The following RPS6KC1 variants were observed in gnomAD, a reference collection of about 807,000 sequenced individuals.
RPS6KC1 encodes the protein ribosomal protein S6 kinase C1.
RPS6KC1 carries 54 observed loss-of-function variants against 103.8 expected under a neutral mutation model. That is an observed-to-expected ratio of 0.52 (90% CI 0.42 to 0.65). The LOEUF (loss-of-function observed/expected upper bound fraction) is 0.65. RPS6KC1 is among the 30% of genes least tolerant of loss of function. The pLI, the probability that RPS6KC1 is intolerant of heterozygous loss-of-function variation, is 0.00. For missense variants in RPS6KC1, 1,151 were observed against 1,253.8 expected (o/e 0.92, Z 1.24); for synonymous variants, 439 against 438.7 (o/e 1.00, Z -0.01).
the RPS6KC1 span, among the ~76,000 whole-genome samples, chr1:213,727,729 A>T: frequency 6.6e-6 from 1 of 152,332 alleles, no homozygotes; most frequent in African/African-American, 2.4e-5. Context: ...AAAAAAAATT[A>T]AAAGAGATTT....
the RPS6KC1 span, among the ~76,000 whole-genome samples, chr1:213,425,908 C>T: frequency 1.3e-5 from 2 of 152,108 alleles, no homozygotes; most frequent in Admixed American, 6.5e-5. Context: ...GGAGGCTTCC[C>T]GTGGCCTCTG....
the RPS6KC1 span, among the ~76,000 whole-genome samples, chr1:213,604,967 G>A: frequency 6.6e-6 from 1 of 152,142 alleles, no homozygotes; most frequent in African/African-American, 2.4e-5. Context: ...AACTCATCCT[G>A]TTCTCTCATA....
intron 4 of RPS6KC1, among the ~76,000 whole-genome samples, chr1:213,106,645 T>C (rs980320612): frequency 3.9e-5 from 6 of 152,222 alleles, no homozygotes; most frequent in Middle Eastern, 3.2e-3. Context: ...TTTAGAGACA[T>C]TGATGATGCC....
At chr1:213,550,259 T>A in the RPS6KC1 span, among the ~76,000 whole-genome samples, 1 of 152,204 alleles carries the variant, frequency 6.6e-6, no homozygotes, top group African/African-American at 2.4e-5. Flanking sequence ...GAAGAAACAC[T>A]GCATCTATTT....
At chr1:213,101,465 CAATA>C (rs1008206245) in intron 3 of RPS6KC1, among the ~76,000 whole-genome samples, 12 of 152,100 alleles carry the variant, frequency 7.9e-5, no homozygotes, top group African/African-American at 2.9e-4. Flanking sequence ...GGAATAGAAA[CAATA>C]AATCAATAGC....
chr1:213,658,753 T>C, the RPS6KC1 span, among the ~76,000 whole-genome samples: 1 of 152,154 alleles, frequency 6.6e-6, no homozygotes, highest in Non-Finnish European at 1.5e-5. Context: ...TAAAAGGAAA[T>C]GGTGAGTAGT....
At position 213,142,876 on chromosome 1, in the gene RPS6KC1, A is replaced by G. The variant is rs977995735; in HGVS notation, c.835+12987A>G. ...TATGAATGGTGTAAACGTAATTATT[A>G]TATGCACCGGGAAACAGAATGTGTG... On this transcript the variant is annotated intron_variant, in intron 6 of 14. Coordinates refer to ENST00000366960, the MANE Select transcript of RPS6KC1 (RefSeq NM_012424.6). Among the ~76,000 whole-genome samples, 3 of 152,086 alleles carry G rather than the reference A, an allele frequency of 2.0e-5. No homozygotes were observed. In the South Asian group the frequency reaches 6.2e-4, roughly 31 times the overall value.
At chr1:213,314,938 T>G in the RPS6KC1 span, among the ~76,000 whole-genome samples, 1 of 152,052 alleles carries the variant, frequency 6.6e-6, no homozygotes, top group African/African-American at 2.4e-5. Context: ...CCCTGTATGG[T>G]GTGCTTCCTT....
At chr1:213,783,921 T>C in the RPS6KC1 span, among the ~76,000 whole-genome samples, 1 of 151,998 alleles carries the variant, frequency 6.6e-6, no homozygotes, top group Non-Finnish European at 1.5e-5. Flanking sequence ...TCCAATTCTA[T>C]TGTTCCTTTT....
At chr1:213,299,053 G>A in the RPS6KC1 span, among the ~76,000 whole-genome samples, 1 of 152,248 alleles carries the variant, frequency 6.6e-6, no homozygotes, top group African/African-American at 2.4e-5. Context: ...CAAACAGCTG[G>A]GGCATCTGTC....
the RPS6KC1 span, among the ~76,000 whole-genome samples, chr1:213,696,361 G>A: frequency 6.6e-6 from 1 of 152,056 alleles, no homozygotes; most frequent in Non-Finnish European, 1.5e-5. Context: ...AATTAGCCAG[G>A]CATGGTGGCA....
At chr1:213,354,926 G>T in the RPS6KC1 span, among the ~76,000 whole-genome samples, 1 of 152,194 alleles carries the variant, frequency 6.6e-6, no homozygotes, top group African/African-American at 2.4e-5. Context: ...TGGCAAGAGA[G>T]GGAAAATCAG....
chr1:213,586,909 G>A, the RPS6KC1 span, among the ~76,000 whole-genome samples: 1 of 152,284 alleles, frequency 6.6e-6, no homozygotes. Flanking sequence ...GAAGGTGTGT[G>A]CCAGCCAGGC....
At chr1:213,728,731 G>C in the RPS6KC1 span, among the ~76,000 whole-genome samples, 25 of 152,094 alleles carry the variant, frequency 1.6e-4, no homozygotes, top group Admixed American at 1.4e-3. Flanking sequence ...GTGGGAGGAG[G>C]GGGGATGGCA....
At chr1:213,625,916 A>G in the RPS6KC1 span, among the ~76,000 whole-genome samples, 2 of 152,182 alleles carry the variant, frequency 1.3e-5, no homozygotes, top group African/African-American at 4.8e-5. Flanking sequence ...TTATAGCAGC[A>G]TGTTTTATAA....
chr1:213,860,758 C>T, the RPS6KC1 span, among the ~76,000 whole-genome samples: 3 of 151,928 alleles, frequency 2.0e-5, no homozygotes, highest in Middle Eastern at 3.5e-3. Context: ...AGCCTGGAGT[C>T]GCATGGTGAA....
chr1:213,284,200 A>G, the RPS6KC1 span, among the ~76,000 whole-genome samples: 1 of 152,246 alleles, frequency 6.6e-6, no homozygotes, highest in African/African-American at 2.4e-5. Context: ...TTATTTCAGA[A>G]ATGAAGACTA....
chr1:213,543,982 GAC>G, the RPS6KC1 span, among the ~76,000 whole-genome samples: 1 of 152,140 alleles, frequency 6.6e-6, no homozygotes, highest in Non-Finnish European at 1.5e-5. Flanking sequence ...TTTTCTGGCA[GAC>G]ACTAGTTCAT....
the RPS6KC1 span, among the ~76,000 whole-genome samples, chr1:213,500,700 A>G: frequency 2.0e-5 from 3 of 152,200 alleles, no homozygotes; most frequent in African/African-American, 7.2e-5. Context: ...ATACTCTTAC[A>G]GGGCCACTGT....
Sources: allele counts gnomAD v4.1 joint callset (sites outside exome capture counted in the v4.1 genomes callset), GRCh38; gene constraint gnomAD v4.1.1; transcripts MANE v1.5; gene names NCBI Gene and HGNC (gene_info 2026-07-23, HGNC 2026-07-21).